The following HTR4 variants were observed in gnomAD, a reference collection of about 807,000 sequenced individuals.
The protein encoded by HTR4 is 5-hydroxytryptamine (serotonin) receptor 4, G protein-coupled.
HTR4 carries 16 observed loss-of-function variants against 36.8 expected under a neutral mutation model. That is an observed-to-expected ratio of 0.43 (90% confidence interval 0.29 to 0.66). The LOEUF (loss-of-function observed/expected upper bound fraction) is 0.66, where lower values mean the gene tolerates loss of function less well. Among genes scored for constraint, HTR4 ranks in the 30% least tolerant of loss-of-function variants. The pLI, the probability that HTR4 is intolerant of heterozygous loss-of-function variation, is 0.13. For synonymous variants in HTR4, 189 were observed against 185.1 expected, an observed-to-expected ratio of 1.02 and a Z score of -0.17; for missense variants, 438 against 490.9, an observed-to-expected ratio of 0.89 and a Z score of 1.02.
chr5:148,499,615 G>C (rs936209846), intron 6 of HTR4, among the ~76,000 whole-genome samples: 6 of 152,150 alleles, frequency 3.9e-5, no homozygotes, highest in Admixed American at 3.9e-4. Context: ...CATGATACAA[G>C]ATTATTCCAT....
intron 5 of HTR4, chr5:148,465,730 T>G: frequency 7.5e-7 from 1 of 1,339,734 alleles, no homozygotes; most frequent in Non-Finnish European, 9.9e-7. Flanking sequence ...TGCCAACAAT[T>G]GTGCACCCTT....
chr5:148,602,232 G>T (rs564341397), intron 2 of HTR4, among the ~76,000 whole-genome samples: 1 of 152,086 alleles, frequency 6.6e-6, no homozygotes, highest in Non-Finnish European at 1.5e-5. Context: ...GGTTTCACGG[G>T]TGTATACTTA....
At chr5:148,486,812 C>T (rs965992866) in intron 6 of HTR4, among the ~76,000 whole-genome samples, 14 of 152,266 alleles carry the variant, frequency 9.2e-5, no homozygotes, top group African/African-American at 3.4e-4. Flanking sequence ...TGAAAGACCT[C>T]AATTTCGGAA....
intron 2 of HTR4, among the ~76,000 whole-genome samples, chr5:148,594,256 A>C (rs1225904472): frequency 6.6e-6 from 1 of 152,106 alleles, no homozygotes; most frequent in Non-Finnish European, 1.5e-5. Context: ...TTAAAGGCGA[A>C]CTGAGTTGTT....
chr5:148,525,111 C>T (rs1327392009), intron 4 of HTR4, among the ~76,000 whole-genome samples: 1 of 152,136 alleles, frequency 6.6e-6, no homozygotes, highest in African/African-American at 2.4e-5. Context: ...AAACCATTGT[C>T]TCCATTATAA....
At chr5:148,486,246 G>C (rs1756155063) in intron 6 of HTR4, among the ~76,000 whole-genome samples, 2 of 152,128 alleles carry the variant, frequency 1.3e-5, no homozygotes, top group Non-Finnish European at 2.9e-5. Flanking sequence ...TAGCAGTTTA[G>C]TGTCATCTGC....
Position 148,482,081 on chromosome 5 carries a change from TC to T in HTR4, c.*1121del, listed in dbSNP as rs1755912625. 2 of 981,266 alleles carry T rather than the reference TC, an allele frequency of 2.0e-6. No homozygotes were observed. Among genetic ancestry groups the T allele is most frequent in the Non-Finnish European group, 2.4e-6 (2 of 826,106 alleles). 60.8% of individuals were successfully genotyped at this position (981,266 alleles called of 1,614,324 possible). On this transcript the variant is annotated 3_prime_UTR_variant, in exon 7 of 7. Transcript: ENST00000377888. ...AGAGATGAAAGAACACTATTCAAGA[TC>T]TCACAGCTTGTTTGCAGCACAGCCA...
chr5:148,634,696 A>C (rs1284799442), intron 2 of HTR4, among the ~76,000 whole-genome samples: 1 of 152,184 alleles, frequency 6.6e-6, no homozygotes. Flanking sequence ...CTGTACTCTC[A>C]AAGTCCCTTA....
At chr5:148,465,732 T>G in intron 5 of HTR4, 1 of 1,341,560 alleles carries the variant, frequency 7.5e-7, no homozygotes, top group Non-Finnish European at 9.9e-7. Flanking sequence ...CCAACAATTG[T>G]GCACCCTTAA....
At chr5:148,480,233 T>C (rs10477381), downstream of HTR4, among the ~76,000 whole-genome samples, 11,706 of 152,242 alleles carry the variant, frequency 0.077, 1,267 homozygotes, top group African/African-American at 0.24. Flanking sequence ...CTGTAGTCCC[T>C]TACTTTGTGA....
At chr5:148,588,527 CTTTT>C (rs35749777) in intron 2 of HTR4, among the ~76,000 whole-genome samples, 4 of 110,134 alleles carry the variant, frequency 3.6e-5, no homozygotes, top group African/African-American at 1.4e-4. Context: ...GGTTTTAATT[CTTTT>C]TTTTTTTTTT....
intron 6 of HTR4, among the ~76,000 whole-genome samples, chr5:148,492,174 C>T (rs1041230274): frequency 6.6e-6 from 1 of 152,184 alleles, no homozygotes; most frequent in African/African-American, 2.4e-5. Flanking sequence ...TACACAGAAC[C>T]TCGACACCCT....
chr5:148,466,252 A>C (rs3995090), intron 5 of HTR4, among the ~76,000 whole-genome samples: 59,867 of 152,008 alleles, frequency 0.39, 12,622 homozygotes, highest in East Asian at 0.7. Context: ...TCCTGTAGCT[A>C]ATCTCCATGA....
In HTR4 at chr5:148,521,011, G is replaced by C. The variant is rs201434712; in HGVS notation, c.507+2182C>G. ...CTAAGGGCTAAGAATGCGGTGAAAA[G>C]AGGAAAGGGCAGCTCCCTGTCTTGA... is the stretch of plus-strand genomic sequence containing the variant. On this transcript the variant is annotated intron_variant, in intron 5 of 6. Transcript: ENST00000377888. 15 of 1,366,974 alleles carry C rather than the reference G, an allele frequency of 1.1e-5. No individual in the cohort carries two copies. In the Admixed American group the frequency reaches 2.9e-4, roughly 26 times the overall value. 84.7% of individuals were successfully genotyped at this position (1,366,974 alleles called of 1,614,324 possible).
At chr5:148,586,256 T>C (rs546097495) in intron 2 of HTR4, among the ~76,000 whole-genome samples, 7 of 152,116 alleles carry the variant, frequency 4.6e-5, no homozygotes, top group Admixed American at 1.3e-4. Flanking sequence ...GTGATGCTGT[T>C]AGCTCTAGAA....
intron 5 of HTR4, among the ~76,000 whole-genome samples, chr5:148,515,336 T>C (rs973688764): frequency 1.3e-5 from 2 of 152,158 alleles, no homozygotes; most frequent in African/African-American, 4.8e-5. Context: ...ATCCTACATA[T>C]ATTTGAAAAC....
At chr5:148,463,199 G>T (rs1755329784) in intron 5 of HTR4, among the ~76,000 whole-genome samples, 3 of 112,312 alleles carry the variant, frequency 2.7e-5, no homozygotes, top group Admixed American at 2.4e-4. Context: ...TTGAGACGGA[G>T]TCTCACTCTG....
intron 2 of HTR4, among the ~76,000 whole-genome samples, chr5:148,633,373 A>G (rs574568506): frequency 1.7e-4 from 24 of 140,130 alleles, no homozygotes; most frequent in African/African-American, 5.5e-4. Context: ...GTATCTTACT[A>G]TTAGAATTCT....
rs1263175103 is a variant in HTR4 at position 148,611,766 on chromosome 5, C to T, written c.26+25223G>A. Reference sequence around the variant, plus strand: ...TAAAGAGTCAAGACCCATCAGTGTGCTGTATTCAGGAAACCCATCTCACGT... The same window carrying T: ...TAAAGAGTCAAGACCCATCAGTGTGTTGTATTCAGGAAACCCATCTCACGT... On this transcript the variant is annotated intron_variant, in intron 2 of 6. Transcript: ENST00000377888. 4.7e-4 allele frequency among the ~76,000 whole-genome samples: 71 copies of T among 151,816 alleles called. 2 individuals carry two copies. In the East Asian group the frequency reaches 0.014, roughly 29 times the overall value.
Sources: gnomAD v4.1 joint callset for allele counts (sites outside exome capture counted in the v4.1 genomes callset) on GRCh38, gnomAD v4.1.1 for gene constraint, MANE v1.5 for transcripts, NCBI Gene and HGNC (gene_info 2026-07-23, HGNC 2026-07-21) for gene names.